CCSER1: variants seen among roughly 807,000 people sequenced by gnomAD.
CCSER1 encodes serine-rich coiled-coil domain-containing protein 1.
In CCSER1, 41 loss-of-function variants were observed where a neutral mutation model predicts 82.0. The observed-to-expected ratio is 0.50, with a 90% CI of 0.39 to 0.65. CCSER1 has a LOEUF of 0.65. Among genes scored for constraint, CCSER1 ranks in the 30% least tolerant of loss-of-function variants. CCSER1 has a pLI of 0.00. For missense variants in CCSER1, 1,119 were observed against 1,064.2 expected, an observed-to-expected ratio of 1.05 and a Z score of -0.72; for synonymous variants, 414 against 383.9, an observed-to-expected ratio of 1.08 and a Z score of -0.92.
intron 9 of CCSER1, among the ~76,000 whole-genome samples, chr4:91,028,333 A>G (rs1179167211): frequency 1.3e-5 from 2 of 151,994 alleles, no homozygotes; most frequent in African/African-American, 2.4e-5. Flanking sequence ...TAAGTTGGCT[A>G]GAGTTTGGAG....
intron 4 of CCSER1, among the ~76,000 whole-genome samples, chr4:90,458,982 C>A (rs887884680): frequency 6.6e-6 from 1 of 152,064 alleles, no homozygotes; most frequent in African/African-American, 2.4e-5. Context: ...TTGTTTGTGA[C>A]TCTGTTCTTT....
In CCSER1 at chr4:90,601,120, C is replaced by T. The variant is rs969262986; in HGVS notation, c.1725-26905C>T. 3.9e-5 allele frequency among the ~76,000 whole-genome samples: 6 copies of T among 151,984 alleles called. No homozygotes were observed. The South Asian group carries it at 1.2e-3, about 32-fold the overall frequency. ...CAAATAAATACAGTTTTATTTCTTT[C>T]TTTCTGAACTAGATTATTTTTATGT... On this transcript the variant is annotated intron_variant, in intron 5 of 10. Transcript: ENST00000509176.
chr4:90,811,995 C>CACACACACACATATATATAT (rs367800484), intron 7 of CCSER1, among the ~76,000 whole-genome samples: 1,822 of 142,638 alleles, frequency 0.013, 19 homozygotes, highest in African/African-American at 0.019. Flanking sequence ...TATATAAACA[C>CACACACACACATATATATAT]ATATATATAT....
At chr4:91,161,352 G>A (rs1288780346) in intron 10 of CCSER1, among the ~76,000 whole-genome samples, 1 of 152,090 alleles carries the variant, frequency 6.6e-6, no homozygotes, top group Non-Finnish European at 1.5e-5. Context: ...TTCCAGCTTT[G>A]TTCTTTTTGC....
chr4:90,642,090 A>G (rs1040193288), intron 6 of CCSER1: 5 of 173,838 alleles, frequency 2.9e-5, no homozygotes, highest in African/African-American at 1.2e-4. Context: ...TCCAAGGAAT[A>G]CTTGAGTCGT....
At chr4:91,512,062 G>A (rs1281052101) in intron 10 of CCSER1, among the ~76,000 whole-genome samples, 4 of 152,036 alleles carry the variant, frequency 2.6e-5, no homozygotes, top group South Asian at 2.1e-4. Context: ...AACTATCTGC[G>A]ATGGTTCACA....
At chr4:91,189,591 C>T (rs968807151) in intron 10 of CCSER1, among the ~76,000 whole-genome samples, 3 of 152,056 alleles carry the variant, frequency 2.0e-5, no homozygotes, top group African/African-American at 4.8e-5. Context: ...TCCTGGTGTC[C>T]TTGGCCCAAT....
intron 1 of CCSER1, among the ~76,000 whole-genome samples, chr4:90,288,788 C>T (rs1730388243): frequency 6.6e-6 from 1 of 151,918 alleles, no homozygotes; most frequent in Admixed American, 6.6e-5. Context: ...TGTCAGTCAT[C>T]TTCCTCATGT....
intron 6 of CCSER1, among the ~76,000 whole-genome samples, chr4:90,706,729 G>A (rs1255254042): frequency 6.6e-6 from 1 of 152,300 alleles, no homozygotes; most frequent in East Asian, 1.9e-4. Context: ...TTTGCACATT[G>A]TGTGTAAAGT....
chr4:90,271,840 ATATATATATATATATATATATATTTTTT>A (rs1708198988), intron 1 of CCSER1, among the ~76,000 whole-genome samples: 1 of 20,572 alleles, frequency 4.9e-5, no homozygotes, highest in African/African-American at 4.4e-4. Flanking sequence ...ATATATATAT[ATATATATATATATATATATATATTTTTT>A]TTTTTTTTTT....
At chr4:91,440,732 TAAAG>T (rs1755065513) in intron 10 of CCSER1, among the ~76,000 whole-genome samples, 1 of 151,220 alleles carries the variant, frequency 6.6e-6, no homozygotes, top group South Asian at 2.1e-4. Context: ...GCAAGACTAA[TAAAG>T]AAGAAAAGAG....
At chr4:91,396,164 A>G (rs1751967653) in intron 10 of CCSER1, among the ~76,000 whole-genome samples, 1 of 152,130 alleles carries the variant, frequency 6.6e-6, no homozygotes, top group Non-Finnish European at 1.5e-5. Flanking sequence ...AACTTTATGC[A>G]GTTATTATTG....
intron 1 of CCSER1, among the ~76,000 whole-genome samples, chr4:90,307,759 C>T (rs1051896924): frequency 1.3e-5 from 2 of 152,012 alleles, no homozygotes; most frequent in Non-Finnish European, 2.9e-5. Flanking sequence ...GTTGAGCTCA[C>T]GTCAGTAACT....
chr4:91,062,832 T>C (rs942892381), intron 9 of CCSER1, among the ~76,000 whole-genome samples: 5 of 152,122 alleles, frequency 3.3e-5, no homozygotes, highest in Non-Finnish European at 2.9e-5. Flanking sequence ...AAATATCATT[T>C]CTGGTATAGA....
intron 10 of CCSER1, among the ~76,000 whole-genome samples, chr4:91,185,735 C>CT (rs1261350975): frequency 6.6e-6 from 1 of 152,152 alleles, no homozygotes; most frequent in Non-Finnish European, 1.5e-5. Context: ...CAGCAGTTTT[C>CT]TTTTTTCCCC....
chr4:90,585,606 T>C (rs1425470583), intron 5 of CCSER1, among the ~76,000 whole-genome samples: 2 of 152,224 alleles, frequency 1.3e-5, no homozygotes, highest in African/African-American at 4.8e-5. Flanking sequence ...TGTGAAAGTA[T>C]CTTTAAATAT....
chr4:90,450,129 A>G (rs569865593), intron 4 of CCSER1, among the ~76,000 whole-genome samples: 9 of 152,316 alleles, frequency 5.9e-5, no homozygotes, highest in African/African-American at 2.2e-4. Context: ...CAGCAGTCAC[A>G]TCTCTCTCAG....
intron 10 of CCSER1, among the ~76,000 whole-genome samples, chr4:91,462,297 G>T (rs144341363): frequency 6.6e-6 from 1 of 151,994 alleles, no homozygotes; most frequent in Non-Finnish European, 1.5e-5. Flanking sequence ...TATTTTGTAC[G>T]TATCAGATAT....
At chr4:90,383,347 G>A (rs1010806084) in intron 3 of CCSER1, among the ~76,000 whole-genome samples, 2 of 152,084 alleles carry the variant, frequency 1.3e-5, no homozygotes, top group Admixed American at 6.6e-5. Context: ...TGAATAATAC[G>A]ATCAACTTTA....
Sources: gnomAD v4.1 joint callset for allele counts (sites outside exome capture counted in the v4.1 genomes callset) on GRCh38, gnomAD v4.1.1 for gene constraint, MANE v1.5 for transcripts, NCBI Gene and HGNC (gene_info 2026-07-23, HGNC 2026-07-21) for gene names.